The following TPH2 variants were observed in gnomAD, a reference collection of about 807,000 sequenced individuals.
The protein encoded by TPH2 is tryptophan 5-hydroxylase 2.
Under a neutral mutation model 59.1 loss-of-function variants are expected in TPH2, and 27 were observed. The observed-to-expected ratio is 0.46, with a 90% confidence interval of 0.34 to 0.63. TPH2 has a LOEUF of 0.63. Among genes scored for constraint, TPH2 ranks in the 30% least tolerant of loss-of-function variants. TPH2 has a pLI of 0.01. For synonymous variants in TPH2, 220 were observed against 210.5 expected (o/e 1.05, Z -0.39); for missense variants, 523 against 588.3 (o/e 0.89, Z 1.15).
At chr12:71,973,213 T>G (rs532636084) in intron 6 of TPH2, among the ~76,000 whole-genome samples, 1 of 152,196 alleles carries the variant, frequency 6.6e-6, no homozygotes, top group Non-Finnish European at 1.5e-5. Context: ...GGCTGAGACT[T>G]ATTGGGCTGC....
chr12:71,980,975 T>C (rs1191156480), intron 7 of TPH2, among the ~76,000 whole-genome samples: 2 of 152,096 alleles, frequency 1.3e-5, no homozygotes, highest in Non-Finnish European at 2.9e-5. Flanking sequence ...GCAGCAGAGA[T>C]AGAAAAACAA....
At chr12:71,953,193 A>G (rs1165771658) in intron 5 of TPH2, among the ~76,000 whole-genome samples, 2 of 151,980 alleles carry the variant, frequency 1.3e-5, no homozygotes, top group African/African-American at 2.4e-5. Flanking sequence ...GAAGCTGCCA[A>G]AATACAGACT....
chr12:71,942,370 G>A (rs1401191117), intron 2 of TPH2, among the ~76,000 whole-genome samples: 2 of 152,142 alleles, frequency 1.3e-5, no homozygotes, highest in Admixed American at 6.5e-5. Context: ...AAGCTGTTGT[G>A]TTCTTGCCAG....
chr12:71,997,821 A>G (rs1872731302), intron 8 of TPH2, among the ~76,000 whole-genome samples: 1 of 152,230 alleles, frequency 6.6e-6, no homozygotes, highest in Non-Finnish European at 1.5e-5. Context: ...CCCAAAATAC[A>G]AAAAACCCAG....
intron 5 of TPH2, among the ~76,000 whole-genome samples, 180 bp downstream of exon 5, chr12:71,949,835 T>C (rs879610797): frequency 2.6e-5 from 4 of 152,190 alleles, no homozygotes; most frequent in Admixed American, 6.5e-5. Context: ...CTGGGTATAA[T>C]TGTAAAATAA....
At position 72,026,310 on chromosome 12, in the gene TPH2, T is replaced by G. The variant is rs193083306; in HGVS notation, c.1164+3816T>G. Among the ~76,000 whole-genome samples, 61 of 152,268 alleles carry G rather than the reference T, an allele frequency of 4.0e-4. 1 individual carries two copies. Among genetic ancestry groups the G allele is most frequent in the Non-Finnish European group, 7.6e-4 (52 of 68,032 alleles). ...GAAAAAGCTGATGGTTTAAACAAAT[T>G]TACTTATTATTTTTTGGCTTTAGTT... On this transcript the variant is annotated intron_variant, in intron 9 of 10. Coordinates refer to ENST00000333850, the MANE Select transcript of TPH2 (RefSeq NM_173353.4).
chr12:71,949,728 C>T, intron 5 of TPH2, 73 bp downstream of exon 5: 2 of 1,283,656 alleles, frequency 1.6e-6, no homozygotes, highest in South Asian at 1.2e-5. Flanking sequence ...ACAAACCTGT[C>T]ATCTCTTCAC....
intron 7 of TPH2, among the ~76,000 whole-genome samples, chr12:71,980,143 G>T (rs1872234954): frequency 1.3e-5 from 2 of 152,150 alleles, no homozygotes; most frequent in Non-Finnish European, 2.9e-5. Context: ...GTATATGATG[G>T]GGTGGAGAAT....
intron 5 of TPH2, among the ~76,000 whole-genome samples, chr12:71,956,733 C>A (rs1871517977): frequency 6.6e-6 from 1 of 152,004 alleles, no homozygotes; most frequent in South Asian, 2.1e-4. Context: ...CCTCAGCCTC[C>A]CGAGTAGCTG....
chr12:71,954,675 C>A (rs559248051), intron 5 of TPH2, among the ~76,000 whole-genome samples: 1 of 152,170 alleles, frequency 6.6e-6, no homozygotes, highest in African/African-American at 2.4e-5. Flanking sequence ...ATATTTGAAT[C>A]TCAGCATTAA....
chr12:71,953,285 T>A (rs776355256), intron 5 of TPH2, among the ~76,000 whole-genome samples: 133 of 152,082 alleles, frequency 8.7e-4, no homozygotes, highest in Non-Finnish European at 1.7e-3. Context: ...ACCCAGGACT[T>A]GTGGGAAGTA....
At chr12:71,994,371 G>A in intron 7 of TPH2, 68 bp from the exon 8 acceptor site, 2 of 1,585,726 alleles carry the variant, frequency 1.3e-6, no homozygotes, top group Admixed American at 1.7e-5. Flanking sequence ...AGGTTTTTAA[G>A]TCTTGTTCTA....
At chr12:71,989,721 A>G (rs1872534675) in intron 7 of TPH2, among the ~76,000 whole-genome samples, 1 of 152,212 alleles carries the variant, frequency 6.6e-6, no homozygotes, top group Admixed American at 6.5e-5. Flanking sequence ...ATAAGAGGAG[A>G]AAAATGCCAG....
chr12:72,003,404 A>G (rs537018331), intron 8 of TPH2, among the ~76,000 whole-genome samples: 109 of 152,338 alleles, frequency 7.2e-4, no homozygotes, highest in Non-Finnish European at 1.2e-3. Context: ...AAAGTTAATA[A>G]TATCTATTCC....
intron 4 of TPH2, among the ~76,000 whole-genome samples, chr12:71,945,771 A>G (rs1871183086): frequency 1.3e-5 from 2 of 152,098 alleles, no homozygotes. Flanking sequence ...TAATATACCA[A>G]CTCAGACCAA....
chr12:71,958,091 A>G (rs1386233749), intron 5 of TPH2, among the ~76,000 whole-genome samples: 1 of 152,208 alleles, frequency 6.6e-6, no homozygotes, highest in Non-Finnish European at 1.5e-5. Context: ...CTTCGGAGAC[A>G]TTAAGAAACT....
chr12:71,974,912 A>G (rs1872074500), intron 6 of TPH2, among the ~76,000 whole-genome samples: 1 of 152,134 alleles, frequency 6.6e-6, no homozygotes, highest in Non-Finnish European at 1.5e-5. Flanking sequence ...CTCAGAAACT[A>G]TCATTGGCTC....
chr12:72,027,472 A>G (rs931323319), intron 9 of TPH2, among the ~76,000 whole-genome samples: 1 of 152,214 alleles, frequency 6.6e-6, no homozygotes, highest in African/African-American at 2.4e-5. Context: ...TCCATTTTCC[A>G]GATGAATACT....
chr12:71,939,441 G>A (rs991568063), intron 1 of TPH2, among the ~76,000 whole-genome samples: 1 of 148,952 alleles, frequency 6.7e-6, no homozygotes, highest in African/African-American at 2.5e-5. Context: ...TTGAAAAGCC[G>A]TTTATTATGA....
Sources: allele counts gnomAD v4.1 joint callset (sites outside exome capture counted in the v4.1 genomes callset), GRCh38; gene constraint gnomAD v4.1.1; transcripts MANE v1.5; gene names NCBI Gene and HGNC (gene_info 2026-07-23, HGNC 2026-07-21).